Variants in MCC observed in about 807,000 individuals in gnomAD.
MCC encodes the protein colorectal mutant cancer protein.
MCC carries 90 observed loss-of-function variants against 116.2 expected under a neutral mutation model. The observed-to-expected ratio is 0.77, with a 90% confidence interval of 0.65 to 0.92. MCC has a LOEUF of 0.92. Ranked by LOEUF, MCC falls within the 40% of genes least tolerant of loss-of-function variation. The pLI, the probability that MCC is intolerant of heterozygous loss-of-function variation, is 0.00. For missense variants in MCC, 1,516 were observed against 1,312.2 expected (o/e 1.16, Z -2.40); for synonymous variants, 578 against 510.5 (o/e 1.13, Z -1.78).
chr5:113,139,954 T>G (rs1397512651), intron 5 of MCC, among the ~76,000 whole-genome samples: 2 of 151,996 alleles, frequency 1.3e-5, no homozygotes, highest in Non-Finnish European at 2.9e-5. Flanking sequence ...AGCTTCTGCA[T>G]AGCAAAAGAA....
At chr5:113,165,714 G>A (rs1402343213) in intron 3 of MCC, among the ~76,000 whole-genome samples, 1 of 152,104 alleles carries the variant, frequency 6.6e-6, no homozygotes, top group East Asian at 1.9e-4. Context: ...TAAATGGCAG[G>A]AGCACCCGAC....
chr5:113,073,526 G>A (rs1388426497), intron 11 of MCC, among the ~76,000 whole-genome samples: 1 of 152,192 alleles, frequency 6.6e-6, no homozygotes, highest in Non-Finnish European at 1.5e-5. Flanking sequence ...GCCAGCCCCT[G>A]CTCTGCCACC....
intron 6 of MCC, among the ~76,000 whole-genome samples, chr5:113,113,916 T>C (rs1403613579): frequency 6.6e-6 from 1 of 151,938 alleles, no homozygotes; most frequent in Non-Finnish European, 1.5e-5. Flanking sequence ...AATAGGACAA[T>C]TGGGGAAATT....
intron 3 of MCC, among the ~76,000 whole-genome samples, chr5:113,164,437 T>C (rs1464376066): frequency 6.6e-6 from 1 of 152,194 alleles, no homozygotes. Flanking sequence ...AGATCCTTCC[T>C]AAATCATCAA....
chr5:113,364,992 T>TAG (rs1768650762), intron 2 of MCC, among the ~76,000 whole-genome samples: 3 of 152,222 alleles, frequency 2.0e-5, no homozygotes, highest in Non-Finnish European at 4.4e-5. Context: ...TGCAGGTTTC[T>TAG]GAAATGCCTT....
intron 3 of MCC, among the ~76,000 whole-genome samples, chr5:113,205,655 A>G (rs138779064): frequency 1.3e-5 from 2 of 152,256 alleles, no homozygotes; most frequent in African/African-American, 4.8e-5. Flanking sequence ...GAATAGCTCT[A>G]AAGTTGAAAG....
intron 3 of MCC, among the ~76,000 whole-genome samples, chr5:113,301,474 G>GAA (rs557478664): frequency 1.5e-5 from 2 of 133,212 alleles, no homozygotes; most frequent in African/African-American, 2.8e-5. Context: ...TCAAACAAAA[G>GAA]AAAAAAAAAA....
At chr5:113,178,740 T>C (rs1761462823) in intron 3 of MCC, among the ~76,000 whole-genome samples, 1 of 152,138 alleles carries the variant, frequency 6.6e-6, no homozygotes. Flanking sequence ...CAAAGAATAA[T>C]AAAATCCTCA....
At chr5:113,455,094 A>T (rs1366020987) in intron 1 of MCC, among the ~76,000 whole-genome samples, 1 of 152,130 alleles carries the variant, frequency 6.6e-6, no homozygotes, top group East Asian at 1.9e-4. Context: ...CGCACCAAAG[A>T]TCCAGTCCAA....
chr5:113,041,709 G>A (rs1751715421), intron 17 of MCC, among the ~76,000 whole-genome samples: 1 of 152,128 alleles, frequency 6.6e-6, no homozygotes, highest in African/African-American at 2.4e-5. Flanking sequence ...CTCTCAAATG[G>A]GATGGCCGGG....
chr5:113,122,363 ATCCCT>A (rs1324854556), intron 6 of MCC, among the ~76,000 whole-genome samples: 1 of 152,064 alleles, frequency 6.6e-6, no homozygotes, highest in Admixed American at 6.5e-5. Context: ...CCCCCATCCC[ATCCCT>A]TCCCTTCCCA....
chr5:113,476,264 T>C (rs1315588920), intron 1 of MCC, among the ~76,000 whole-genome samples: 1 of 152,180 alleles, frequency 6.6e-6, no homozygotes, highest in Non-Finnish European at 1.5e-5. Flanking sequence ...AGAACAAAGT[T>C]GGACAATTCG....
chr5:113,345,948 A>C (rs182933296), intron 2 of MCC, among the ~76,000 whole-genome samples: 8 of 152,346 alleles, frequency 5.3e-5, no homozygotes, highest in Non-Finnish European at 1.2e-4. Flanking sequence ...AGAGAATTCA[A>C]AATAACTGTT....
intron 1 of MCC, chr5:113,436,253 C>G (rs1223431033): frequency 1.3e-5 from 2 of 152,574 alleles, no homozygotes; most frequent in African/African-American, 4.8e-5. Flanking sequence ...GGTTGGTGCT[C>G]CTTCCTCCAG....
chr5:113,432,646 G>A (rs1255222227), intron 1 of MCC: 1 of 152,144 alleles, frequency 6.6e-6, no homozygotes, highest in East Asian at 1.9e-4. Context: ...AGTCAAATTC[G>A]GTCTATAGAA....
At chr5:113,224,480 C>T (rs1036931921) in intron 3 of MCC, among the ~76,000 whole-genome samples, 3 of 152,150 alleles carry the variant, frequency 2.0e-5, no homozygotes, top group Admixed American at 6.5e-5. Context: ...GAAACAAAAA[C>T]GCCTGTTTTC....
intron 3 of MCC, among the ~76,000 whole-genome samples, chr5:113,309,193 C>G (rs1053855794): frequency 6.6e-6 from 1 of 152,170 alleles, no homozygotes; most frequent in African/African-American, 2.4e-5. Flanking sequence ...GTTATACATT[C>G]TTTTTTAAAT....
intron 1 of MCC, among the ~76,000 whole-genome samples, chr5:113,386,181 T>C (rs1365449280): frequency 6.6e-6 from 1 of 152,170 alleles, no homozygotes; most frequent in Non-Finnish European, 1.5e-5. Flanking sequence ...GGAAGAGACA[T>C]TAGAAATTTG....
chr5:113,082,850 C>G lies in MCC; in HGVS notation c.1784+10G>C, dbSNP rs1170681665. On this transcript the variant is annotated intron_variant, in intron 11 of 18. Transcript: ENST00000408903. Reference sequence around the variant, plus strand: ...TGCCCCACAATCAAATCGATACGATCTCTCCTCACCTATTCAGCCGTTCTG... The same window carrying G: ...TGCCCCACAATCAAATCGATACGATGTCTCCTCACCTATTCAGCCGTTCTG... The G allele has an allele frequency of 1.2e-6, 2 of 1,612,394 alleles. No homozygotes were observed. The highest frequency in any genetic ancestry group is 1.7e-6 in the Non-Finnish European group (2 of 1,179,342).
Sources: gnomAD v4.1 joint callset for allele counts (sites outside exome capture counted in the v4.1 genomes callset) on GRCh38, gnomAD v4.1.1 for gene constraint, MANE v1.5 for transcripts, NCBI Gene and HGNC (gene_info 2026-07-23, HGNC 2026-07-21) for gene names.